DNAH11: variants seen among roughly 807,000 people sequenced by gnomAD.
DNAH11 encodes the protein dynein axonemal heavy chain 11.
Under a neutral mutation model 526.0 loss-of-function variants are expected in DNAH11, and 442 were observed. That is an observed-to-expected ratio of 0.84 (90% confidence interval 0.78 to 0.91). The LOEUF is 0.91. DNAH11 is among the 40% of genes least tolerant of loss of function. The pLI is 0.00. For missense variants in DNAH11, 6,989 were observed against 5,448.7 expected (o/e 1.28, Z -8.90); for synonymous variants, 2,461 against 1,935.9 (o/e 1.27, Z -7.12).
intron 12 of DNAH11, 29 bp from the exon 13 acceptor site, chr7:21,590,889 C>T: frequency 8.2e-7 from 1 of 1,216,034 alleles, no homozygotes; most frequent in Non-Finnish European, 1.1e-6. Context: ...TGAAAATATG[C>T]AATAATTTTA....
intron 74 of DNAH11, among the ~76,000 whole-genome samples, chr7:21,877,548 T>C (rs1014960675): frequency 6.6e-5 from 10 of 152,182 alleles, no homozygotes; most frequent in African/African-American, 2.4e-4. Context: ...AACCATTTCT[T>C]GTAGGATACC....
intron 56 of DNAH11, among the ~76,000 whole-genome samples, chr7:21,775,942 AGAGATAAGT>A (rs992688908): frequency 6.6e-6 from 1 of 152,192 alleles, no homozygotes; most frequent in Non-Finnish European, 1.5e-5. Context: ...TCCTTAGCAA[AGAGATAAGT>A]GCTTCTGCCA....
intron 73 of DNAH11, among the ~76,000 whole-genome samples, chr7:21,870,793 T>A (rs527623110): frequency 6.6e-6 from 1 of 152,318 alleles, no homozygotes; most frequent in Non-Finnish European, 1.5e-5. Flanking sequence ...AGACCTTTGA[T>A]TTTTGTTGTT....
At chr7:21,622,619 G>T (rs1786123296) in intron 25 of DNAH11, among the ~76,000 whole-genome samples, 1 of 152,026 alleles carries the variant, frequency 6.6e-6, no homozygotes, top group Admixed American at 6.6e-5. Flanking sequence ...TACCAAAACA[G>T]ATATAGATCA....
At position 21,787,401 on chromosome 7, in the gene DNAH11, G is replaced by A. The variant is rs774077461; in HGVS notation, c.9742G>A (p.Val3248Ile). ...WKAAKVFMGK[V>I]DDFLQALINY... ...TGCAATAAATCTTTTTGCTTTGCAGGTTGATGATTTTTTGCAAGCATTAAT... is the reference window on the plus strand; with the variant it reads ...TGCAATAAATCTTTTTGCTTTGCAGATTGATGATTTTTTGCAAGCATTAAT... Residue 3248 changes from valine to isoleucine, a missense_variant and splice_region_variant, in exon 60 of 82, where the codon GTT (valine) becomes ATT (isoleucine). Coordinates refer to ENST00000409508, the MANE Select transcript of DNAH11 (RefSeq NM_001277115.2). The A allele has an allele frequency of 6.3e-7, 1 of 1,598,822 alleles. No homozygotes were observed. The highest frequency in any genetic ancestry group is 1.3e-5 in the African/African-American group (1 of 74,396).
chr7:21,681,781 AT>A, intron 31 of DNAH11, 104 bp downstream of exon 31: 1 of 1,398,294 alleles, frequency 7.2e-7, no homozygotes, highest in South Asian at 1.2e-5. Context: ...GAAAGTTTGT[AT>A]GTTTTAATTA....
chr7:21,747,284 C>G (rs117217352), intron 51 of DNAH11, among the ~76,000 whole-genome samples: 1 of 152,270 alleles, frequency 6.6e-6, no homozygotes, highest in East Asian at 1.9e-4. Flanking sequence ...AATAACCTAT[C>G]TTCTCTGTTA....
intron 74 of DNAH11, 63 bp from the exon 75 acceptor site, chr7:21,880,639 C>G: frequency 6.4e-7 from 1 of 1,570,320 alleles, no homozygotes; most frequent in Non-Finnish European, 8.7e-7. Flanking sequence ...ATTGAAAACG[C>G]AGACCCTTGC....
intron 23 of DNAH11, 75 bp downstream of exon 23, chr7:21,617,852 A>ATGAAGTGTAATTTATGAAAAAT: frequency 2.1e-6 from 3 of 1,414,198 alleles, no homozygotes; most frequent in Non-Finnish European, 2.8e-6. Context: ...ATCATCTGAG[A>ATGAAGTGTAATTTATGAAAAAT]TGAAGTGTAA....
rs28704512 is a variant in DNAH11, at chr7:21,789,023, A to T, written c.9925-218A>T. On this transcript the variant is annotated intron_variant, in intron 60 of 81. Transcript: ENST00000409508. Reference sequence around the variant, plus strand: ...AAAATAACAGGCCAGGTGTGGTGGCATACACCTGTAATCTCAGCACTTTGG... The same window carrying T: ...AAAATAACAGGCCAGGTGTGGTGGCTTACACCTGTAATCTCAGCACTTTGG... Among the ~76,000 whole-genome samples, 1,191 of 152,178 alleles carry T rather than the reference A, an allele frequency of 7.8e-3. 14 individuals carry two copies. Among genetic ancestry groups the T allele is most frequent in the African/African-American group, 0.028 (1,145 of 41,526 alleles).
At chr7:21,812,699 G>A (rs1789584864) in intron 63 of DNAH11, among the ~76,000 whole-genome samples, 1 of 151,990 alleles carries the variant, frequency 6.6e-6, no homozygotes, top group Non-Finnish European at 1.5e-5. Context: ...GGAGGAAAAT[G>A]AACTCTTTCC....
intron 61 of DNAH11, among the ~76,000 whole-genome samples, chr7:21,800,561 GA>G (rs2127993079): frequency 6.6e-6 from 1 of 152,246 alleles, no homozygotes; most frequent in East Asian, 1.9e-4. Flanking sequence ...GAACCTGGGG[GA>G]CAGAGGTTGC....
chr7:21,865,611 T>A (rs1305682085), intron 70 of DNAH11, among the ~76,000 whole-genome samples: 2 of 152,148 alleles, frequency 1.3e-5, no homozygotes, highest in African/African-American at 2.4e-5. Context: ...CAGAGAAACA[T>A]AGTCCCTCCC....
At chr7:21,745,391 T>C (rs911048120) in intron 51 of DNAH11, among the ~76,000 whole-genome samples, 3 of 152,206 alleles carry the variant, frequency 2.0e-5, no homozygotes, top group Non-Finnish European at 2.9e-5. Flanking sequence ...TTTTGTTGAG[T>C]GCCAGATAGG....
chr7:21,786,876 C>G, intron 59 of DNAH11, 109 bp downstream of exon 59: 1 of 1,431,388 alleles, frequency 7.0e-7, no homozygotes, highest in Non-Finnish European at 9.5e-7. Flanking sequence ...AAATCATCTT[C>G]ATAGTTGCTG....
intron 14 of DNAH11, among the ~76,000 whole-genome samples, 189 bp from the exon 15 acceptor site, chr7:21,599,598 A>G (rs997037987): frequency 3.3e-5 from 5 of 152,226 alleles, no homozygotes; most frequent in African/African-American, 1.2e-4. Context: ...TCATGTGTGA[A>G]CTTAATGTTC....
rs529132488 is a variant in DNAH11, at chr7:21,791,952, C to T, written c.10026+2610C>T. On this transcript the variant is annotated intron_variant, in intron 61 of 81. Transcript: ENST00000409508. ...TTGGCCCATGATTCTGCAGGCTGTA[C>T]AGGAAGCATAGCAGTTCCTGCTTTG... is the stretch of plus-strand genomic sequence containing the variant. Among the ~76,000 whole-genome samples the T allele has an allele frequency of 4.6e-5, 7 of 152,162 alleles. No individual in the cohort carries two copies. In the South Asian group the frequency reaches 1.4e-3, roughly 32 times the overall value.
At chr7:21,797,411 G>A (rs569238858) in intron 61 of DNAH11, among the ~76,000 whole-genome samples, 75 of 151,648 alleles carry the variant, frequency 4.9e-4, no homozygotes, top group Non-Finnish European at 9.1e-4. Flanking sequence ...TAGAGACGGG[G>A]TTTCTCTATG....
At chr7:21,743,842 C>G (rs1043945724) in intron 49 of DNAH11, among the ~76,000 whole-genome samples, 3 of 152,186 alleles carry the variant, frequency 2.0e-5, no homozygotes, top group African/African-American at 7.2e-5. Flanking sequence ...CCTTTTGCAG[C>G]TCAGTTCTCC....
Sources: allele counts gnomAD v4.1 joint callset (sites outside exome capture counted in the v4.1 genomes callset), GRCh38; gene constraint gnomAD v4.1.1; transcripts MANE v1.5; gene names NCBI Gene and HGNC (gene_info 2026-07-23, HGNC 2026-07-21).